CUX2: variants seen among roughly 807,000 people sequenced by gnomAD.
CUX2 encodes cut like homeobox 2.
Under a neutral mutation model 144.8 loss-of-function variants are expected in CUX2, and 40 were observed. The ratio of observed to expected loss-of-function variants is 0.28; its 90% CI spans 0.21 to 0.36. The LOEUF is 0.36. Among genes scored for constraint, CUX2 ranks in the 10% least tolerant of loss-of-function variants. The probability of loss-of-function intolerance (pLI) is 1.00; values close to 1 mark genes in which losing one functional copy is unlikely to be tolerated. For missense variants in CUX2, 1,615 were observed against 1,994.0 expected, an observed-to-expected ratio of 0.81 and a Z score of 3.62; for synonymous variants, 827 against 875.6, an observed-to-expected ratio of 0.94 and a Z score of 0.98.
At chr12:111,205,895 T>G (rs1207663994) in intron 1 of CUX2, among the ~76,000 whole-genome samples, 1 of 152,194 alleles carries the variant, frequency 6.6e-6, no homozygotes, top group Non-Finnish European at 1.5e-5. Flanking sequence ...CCAACAAACA[T>G]TTCTAGAATG....
chr12:111,244,913 C>T (rs999091369), intron 3 of CUX2, among the ~76,000 whole-genome samples: 43 of 152,174 alleles, frequency 2.8e-4, no homozygotes, highest in Admixed American at 2.8e-3. Context: ...TGATTATTTC[C>T]ATGCTTCCCA....
intron 18 of CUX2, among the ~76,000 whole-genome samples, chr12:111,327,446 G>T (rs1290055146): frequency 6.6e-6 from 1 of 152,184 alleles, no homozygotes; most frequent in Non-Finnish European, 1.5e-5. Flanking sequence ...TACTGAGGAA[G>T]TTCAAAGGGT....
At chr12:111,090,550 C>T (rs1872498536) in intron 1 of CUX2, among the ~76,000 whole-genome samples, 1 of 152,150 alleles carries the variant, frequency 6.6e-6, no homozygotes, top group Non-Finnish European at 1.5e-5. Flanking sequence ...CAGGTGTGAG[C>T]CACTGCGCCC....
At chr12:111,103,456 A>G (rs1873393647) in intron 1 of CUX2, among the ~76,000 whole-genome samples, 2 of 152,216 alleles carry the variant, frequency 1.3e-5, no homozygotes, top group African/African-American at 4.8e-5. Context: ...GGGAGTGAAT[A>G]TGACCTTGAC....
At chr12:111,226,887 C>A (rs1398187037) in intron 3 of CUX2, among the ~76,000 whole-genome samples, 1 of 152,216 alleles carries the variant, frequency 6.6e-6, no homozygotes, top group African/African-American at 2.4e-5. Context: ...TGAAAATTTA[C>A]AAGGCTTTTA....
At chr12:111,228,841 T>C (rs1164855484) in intron 3 of CUX2, among the ~76,000 whole-genome samples, 1 of 152,138 alleles carries the variant, frequency 6.6e-6, no homozygotes, top group Non-Finnish European at 1.5e-5. Flanking sequence ...CTGGGGCACT[T>C]TTCTTTTTTT....
intron 1 of CUX2, among the ~76,000 whole-genome samples, chr12:111,100,321 C>T (rs113911678): frequency 0.018 from 2,763 of 152,036 alleles, 85 homozygotes; most frequent in African/African-American, 0.063. Context: ...TCTTTCTCTG[C>T]GTGTGTGGTG....
rs1032020613 is a variant in CUX2 at position 111,287,246 on chromosome 12, C to T, written c.302-4172C>T. On this transcript the variant is annotated intron_variant, in intron 4 of 21. Coordinates refer to ENST00000261726, the MANE Select transcript of CUX2 (RefSeq NM_015267.4). This position sits in a 1 kb window ranked among gnomAD's most constrained non-coding sequence, Gnocchi z 4.2. The stretch of plus-strand genomic sequence containing the variant: ...GACATCCTTTATCACCAAGTATAGT[C>T]GTTTGGCTCAATGGGCTCATGGCCA... Among the ~76,000 whole-genome samples the T allele has an allele frequency of 2.0e-5, 3 of 152,238 alleles. No homozygotes were observed. Among genetic ancestry groups the T allele is most frequent in the African/African-American group, 4.8e-5 (2 of 41,468 alleles).
intron 3 of CUX2, among the ~76,000 whole-genome samples, chr12:111,245,479 A>G (rs1883234054): frequency 6.6e-6 from 1 of 151,948 alleles, no homozygotes; most frequent in Non-Finnish European, 1.5e-5. Context: ...TTAATAAACC[A>G]GACATGGTGG....
In CUX2 at chr12:111,348,990, T is replaced by C. The variant is rs373875175; in HGVS notation, c.*665T>C. ...AAAAACCTCGACGCCGTTGAGGATG[T>C]GTTTCATTCTGGTGGTCTGTTTTGC... On this transcript the variant is annotated 3_prime_UTR_variant, in exon 22 of 22. Coordinates refer to ENST00000261726, the MANE Select transcript of CUX2 (RefSeq NM_015267.4). 2.2e-4 allele frequency: 34 copies of C among 152,796 alleles called. No homozygotes were observed. Among genetic ancestry groups the C allele is most frequent in the African/African-American group, 7.2e-4 (30 of 41,584 alleles). The allele number at this position is 152,796 out of a possible 1,614,324, so 9.5% of individuals were successfully genotyped here. A position where few individuals can be genotyped will look rare whatever the true frequency, so the allele number is the denominator to read the frequency against.
At chr12:111,116,245 C>T (rs937192339) in intron 1 of CUX2, among the ~76,000 whole-genome samples, 67 of 152,182 alleles carry the variant, frequency 4.4e-4, no homozygotes, top group African/African-American at 1.6e-3. Flanking sequence ...GCTTTCACAG[C>T]ATCAGTCAGA....
Position 111,059,402 on chromosome 12 carries a change from C to T in CUX2, c.63+25162C>T, listed in dbSNP as rs776438554. Among the ~76,000 whole-genome samples the T allele has an allele frequency of 5.3e-5, 8 of 152,224 alleles. No individual in the cohort carries two copies. Among genetic ancestry groups the T allele is most frequent in the African/African-American group, 9.6e-5 (4 of 41,456 alleles). On this transcript the variant is annotated intron_variant, in intron 1 of 21. Transcript: ENST00000261726. The surrounding 1 kb of genome is among the most constrained non-coding windows in gnomAD (Gnocchi z 5.3). Reference sequence around the variant, plus strand: ...TAAGGCTAGGTGCCCCTGGCCCCAGCGAGGGGCTTCTTGGCAGAGATAGCC... The same window carrying T: ...TAAGGCTAGGTGCCCCTGGCCCCAGTGAGGGGCTTCTTGGCAGAGATAGCC...
In CUX2 at chr12:111,304,247, G is replaced by A. The variant is rs780487031; in HGVS notation, c.791G>A (p.Arg264Gln). ...GCCCAGCGGGAGGTGGAAAGTCTCCGGGAACAGCTGGCCTCTGTCAACAGC... is the reference window on the plus strand; with the variant it reads ...GCCCAGCGGGAGGTGGAAAGTCTCCAGGAACAGCTGGCCTCTGTCAACAGC... ...EAAQREVESLREQLASVNSSI... is the reference protein window; with the variant it reads ...EAAQREVESLQEQLASVNSSI... Residue 264 changes from arginine (R) to glutamine (Q), a missense_variant, in exon 10 of 22, where the codon CGG becomes CAG. Transcript: ENST00000261726. The surrounding 1 kb of genome is among the most constrained non-coding windows in gnomAD (Gnocchi z 4.7). 18 of 1,613,776 alleles carry A rather than the reference G, an allele frequency of 1.1e-5. No homozygotes were observed. The highest frequency in any genetic ancestry group is 1.6e-4 in the Middle Eastern group (1 of 6,080).
chr12:111,254,297 C>T (rs1416138597), intron 3 of CUX2, among the ~76,000 whole-genome samples: 1 of 152,180 alleles, frequency 6.6e-6, no homozygotes, highest in Non-Finnish European at 1.5e-5. Context: ...TATTTAGGCA[C>T]TGGGGGAGGG....
chr12:111,152,263 C>T (rs571804569), intron 1 of CUX2, among the ~76,000 whole-genome samples: 31 of 151,724 alleles, frequency 2.0e-4, no homozygotes, highest in East Asian at 1.9e-4. Context: ...CCAGCCTGGG[C>T]GACAGAGCAA....
chr12:111,212,318 T>A (rs1038789075), intron 1 of CUX2, among the ~76,000 whole-genome samples: 1 of 152,306 alleles, frequency 6.6e-6, no homozygotes, highest in South Asian at 2.1e-4. Flanking sequence ...GAAGCCCCCA[T>A]GTACTTTCAA....
At position 111,037,732 on chromosome 12, in the gene CUX2, C is replaced by T. The variant is rs1279378827; in HGVS notation, c.63+3492C>T. Among the ~76,000 whole-genome samples, 3 of 152,012 alleles carry T rather than the reference C, an allele frequency of 2.0e-5. No individual in the cohort carries two copies. Among genetic ancestry groups the T allele is most frequent in the Non-Finnish European group, 2.9e-5 (2 of 68,010 alleles). Reference sequence around the variant, plus strand: ...TTATGGCTTTTCTGTGTATAATCGTCGTAACCGGATTCATACCTTTATGAT... The same window carrying T: ...TTATGGCTTTTCTGTGTATAATCGTTGTAACCGGATTCATACCTTTATGAT... On this transcript the variant is annotated intron_variant, in intron 1 of 21. Transcript: ENST00000261726. The surrounding 1 kb of genome is among the most constrained non-coding windows in gnomAD (Gnocchi z 5.4).
intron 1 of CUX2, among the ~76,000 whole-genome samples, chr12:111,209,113 C>T (rs1040832059): frequency 3.3e-5 from 5 of 152,144 alleles, no homozygotes; most frequent in East Asian, 1.9e-4. Context: ...GCACTAGGAA[C>T]GTGAACGTTC....
intron 1 of CUX2, among the ~76,000 whole-genome samples, chr12:111,097,755 G>A (rs899500441): frequency 2.0e-5 from 3 of 152,202 alleles, no homozygotes; most frequent in South Asian, 2.1e-4. Flanking sequence ...AGACTGCAGC[G>A]AGCAGGCAGG....
Sources: allele counts gnomAD v4.1 joint callset (sites outside exome capture counted in the v4.1 genomes callset), GRCh38; gene constraint gnomAD v4.1.1; non-coding constraint Gnocchi (gnomAD v3.1); transcripts MANE v1.5; gene names NCBI Gene and HGNC (gene_info 2026-07-23, HGNC 2026-07-21).